The following DPP10 variants were observed in gnomAD, a reference collection of about 807,000 sequenced individuals.
DPP10 encodes the protein inactive dipeptidyl peptidase 10.
Under a neutral mutation model 120.9 loss-of-function variants are expected in DPP10, and 33 were observed. The ratio of observed to expected loss-of-function variants is 0.27; its 90% CI spans 0.21 to 0.37. The LOEUF (loss-of-function observed/expected upper bound fraction) is 0.37. Ranked by LOEUF, DPP10 falls within the 10% of genes least tolerant of loss-of-function variation. DPP10 has a pLI of 1.00. For synonymous variants in DPP10, 337 were observed against 326.1 expected, an observed-to-expected ratio of 1.03 and a Z score of -0.36; for missense variants, 816 against 942.8, an observed-to-expected ratio of 0.87 and a Z score of 1.76.
At chr2:114,796,280 T>C (rs568614048) in intron 1 of DPP10, among the ~76,000 whole-genome samples, 4 of 152,276 alleles carry the variant, frequency 2.6e-5, no homozygotes, top group African/African-American at 9.6e-5. Context: ...AAGAGTTGAA[T>C]TTCTTGGTAT....
At chr2:115,839,990 A>G (rs1198043003) in intron 24 of DPP10, among the ~76,000 whole-genome samples, 2 of 152,138 alleles carry the variant, frequency 1.3e-5, no homozygotes, top group African/African-American at 4.8e-5. Context: ...ATTTTGAATA[A>G]TAAAGCAGAA....
At chr2:115,578,671 A>G (rs2081833246) in intron 5 of DPP10, among the ~76,000 whole-genome samples, 1 of 152,242 alleles carries the variant, frequency 6.6e-6, no homozygotes, top group Non-Finnish European at 1.5e-5. Context: ...TGAGATGCTA[A>G]TCATTACAGA....
chr2:114,670,255 G>A (rs1354621627), intron 1 of DPP10, among the ~76,000 whole-genome samples: 2 of 152,122 alleles, frequency 1.3e-5, no homozygotes, highest in East Asian at 3.9e-4. Context: ...CAATAGCAAA[G>A]ACTTGGAACC....
At chr2:115,482,161 C>T (rs1440805753) in intron 3 of DPP10, among the ~76,000 whole-genome samples, 3 of 151,832 alleles carry the variant, frequency 2.0e-5, no homozygotes, top group Non-Finnish European at 1.5e-5. Flanking sequence ...ACTATTTTTT[C>T]ATATACCTTT....
At chr2:114,856,631 A>G (rs1273568952) in intron 1 of DPP10, among the ~76,000 whole-genome samples, 2 of 152,246 alleles carry the variant, frequency 1.3e-5, no homozygotes, top group African/African-American at 4.8e-5. Context: ...AATACAAAAT[A>G]GGACATAGCT....
At chr2:114,803,813 A>G (rs1684478917) in intron 1 of DPP10, among the ~76,000 whole-genome samples, 1 of 152,216 alleles carries the variant, frequency 6.6e-6, no homozygotes, top group Admixed American at 6.5e-5. Context: ...CAGCCTGATT[A>G]TGTGGATAGA....
intron 1 of DPP10, among the ~76,000 whole-genome samples, chr2:115,267,562 C>T (rs1190780447): frequency 1.3e-5 from 2 of 151,980 alleles, no homozygotes; most frequent in Non-Finnish European, 2.9e-5. Context: ...CACTGCATCG[C>T]TCTCTGTATT....
rs146805294 is a variant in DPP10 at position 115,499,721 on chromosome 2, G to A, written c.366+117G>A. 7.0e-4 allele frequency: 421 copies of A among 601,852 alleles called. 2 individuals carry two copies. The highest frequency in any genetic ancestry group is 7.0e-3 in the African/African-American group (362 of 52,004). The allele number at this position is 601,852 out of a possible 1,614,324, so 37.3% of individuals were successfully genotyped here. On this transcript the variant is annotated intron_variant, in intron 4 of 25. Transcript: ENST00000410059. Reference sequence around the variant, plus strand: ...ATTTGTAAAGCATTTCAGGTGAAAAGTTGGGGCTGGAATATCATAAGAATC... The same window carrying A: ...ATTTGTAAAGCATTTCAGGTGAAAAATTGGGGCTGGAATATCATAAGAATC...
chr2:115,256,700 T>C lies in DPP10; in HGVS notation c.61-52539T>C, dbSNP rs1296434596. 1.3e-5 allele frequency among the ~76,000 whole-genome samples: 2 copies of C among 152,238 alleles called. 1 individual carries two copies. The highest frequency in any genetic ancestry group is 2.9e-5 in the Non-Finnish European group (2 of 68,036). ...GCTATTTTTGAGTCATGCAAATGTA[T>C]TAAGTGGTTGCTTCACAGCCCACTT... On this transcript the variant is annotated intron_variant, in intron 1 of 25. Transcript: ENST00000410059.
intron 3 of DPP10, among the ~76,000 whole-genome samples, chr2:115,491,059 A>C (rs1214291776): frequency 3.9e-5 from 6 of 152,168 alleles, no homozygotes; most frequent in Non-Finnish European, 2.9e-5. Flanking sequence ...TGGAGGTTGC[A>C]GTGAGTCGAG....
At chr2:115,415,625 G>A (rs750636909) in intron 3 of DPP10, among the ~76,000 whole-genome samples, 1 of 151,944 alleles carries the variant, frequency 6.6e-6, no homozygotes, top group East Asian at 1.9e-4. Context: ...TCTATCAACT[G>A]CAGTTCTCAA....
chr2:115,520,530 G>A (rs1354832264), intron 4 of DPP10, among the ~76,000 whole-genome samples: 1 of 150,926 alleles, frequency 6.6e-6, no homozygotes, highest in African/African-American at 2.4e-5. Context: ...TTTTAATTTT[G>A]TAAATAGAGA....
intron 5 of DPP10, among the ~76,000 whole-genome samples, chr2:115,537,693 C>T (rs562087533): frequency 3.3e-4 from 50 of 151,006 alleles, no homozygotes; most frequent in Non-Finnish European, 3.2e-4. Flanking sequence ...CTAATAATGA[C>T]GCACATCTGC....
At chr2:115,418,193 T>G (rs1455627939) in intron 3 of DPP10, among the ~76,000 whole-genome samples, 1 of 152,154 alleles carries the variant, frequency 6.6e-6, no homozygotes, top group African/African-American at 2.4e-5. Flanking sequence ...GATGACTCAT[T>G]TTTTGATTGT....
chr2:115,368,866 A>C (rs2065234142), intron 3 of DPP10, among the ~76,000 whole-genome samples: 1 of 151,890 alleles, frequency 6.6e-6, no homozygotes, highest in Non-Finnish European at 1.5e-5. Flanking sequence ...ATCATAGAAA[A>C]TTATATGATA....
chr2:115,501,914 G>A (rs1412918481), intron 4 of DPP10, among the ~76,000 whole-genome samples: 1 of 151,826 alleles, frequency 6.6e-6, no homozygotes, highest in East Asian at 1.9e-4. Flanking sequence ...GTTTTTCTGT[G>A]AGCAATTATC....
intron 1 of DPP10, among the ~76,000 whole-genome samples, chr2:115,290,427 A>G (rs1372198103): frequency 6.6e-6 from 1 of 152,146 alleles, no homozygotes; most frequent in East Asian, 1.9e-4. Flanking sequence ...TGGATATGTG[A>G]TTAAGCAAAT....
intron 1 of DPP10, among the ~76,000 whole-genome samples, chr2:115,216,468 A>C (rs980551338): frequency 1.3e-5 from 2 of 152,120 alleles, no homozygotes; most frequent in African/African-American, 4.8e-5. Context: ...ATGTATATAT[A>C]TGTCTAACTT....
At chr2:115,035,525 C>T (rs1704168887) in intron 1 of DPP10, among the ~76,000 whole-genome samples, 1 of 152,176 alleles carries the variant, frequency 6.6e-6, no homozygotes, top group Non-Finnish European at 1.5e-5. Context: ...TGACACACAA[C>T]AAATTCCTAA....
Sources: allele counts gnomAD v4.1 joint callset (sites outside exome capture counted in the v4.1 genomes callset), GRCh38; gene constraint gnomAD v4.1.1; transcripts MANE v1.5; gene names NCBI Gene and HGNC (gene_info 2026-07-23, HGNC 2026-07-21).